COL5A2: variants seen among roughly 807,000 people sequenced by gnomAD.
COL5A2 encodes the protein collagen alpha-2(V) chain.
A neutral mutation model predicts 208.2 loss-of-function variants in COL5A2; 23 were observed. The observed-to-expected ratio is 0.11, with a 90% confidence interval of 0.08 to 0.16. The LOEUF (loss-of-function observed/expected upper bound fraction) is 0.16, where lower values mean the gene tolerates loss of function less well. Among genes scored for constraint, COL5A2 ranks in the 10% least tolerant of loss-of-function variants. The pLI, the probability that COL5A2 is intolerant of heterozygous loss-of-function variation, is 1.00. For synonymous variants in COL5A2, 625 were observed against 628.5 expected (o/e 0.99, Z 0.08); for missense variants, 1,590 against 1,956.4 (o/e 0.81, Z 3.53).
intron 1 of COL5A2, among the ~76,000 whole-genome samples, chr2:189,210,413 T>A (rs1394905709): frequency 2.1e-5 from 3 of 143,776 alleles, no homozygotes; most frequent in Non-Finnish European, 4.6e-5. Context: ...GATTAAAATA[T>A]TTTACATTTG....
At chr2:189,436,235 C>T in the COL5A2 span, among the ~76,000 whole-genome samples, 3 of 152,102 alleles carry the variant, frequency 2.0e-5, no homozygotes, top group Non-Finnish European at 4.4e-5. Context: ...GCAAGGATTT[C>T]ATGATTAAAA....
chr2:189,138,276 G>A (rs1450973860), intron 1 of COL5A2, among the ~76,000 whole-genome samples: 4 of 151,674 alleles, frequency 2.6e-5, no homozygotes, highest in African/African-American at 9.7e-5. Flanking sequence ...ACCCGGCCCG[G>A]TATATTTTTA....
the COL5A2 span, among the ~76,000 whole-genome samples, chr2:189,302,945 C>G: frequency 1.8e-4 from 28 of 152,276 alleles, no homozygotes; most frequent in Non-Finnish European, 3.4e-4. Context: ...CCATAAAGTG[C>G]TTCCTTTAAG....
At chr2:189,228,374 C>T (rs1257272547), upstream of COL5A2, among the ~76,000 whole-genome samples, 2 of 151,436 alleles carry the variant, frequency 1.3e-5, no homozygotes, top group African/African-American at 4.8e-5. Flanking sequence ...ATTAATTGGC[C>T]TTTTGAAAAA....
the COL5A2 span, among the ~76,000 whole-genome samples, chr2:189,421,174 C>T: frequency 6.6e-6 from 1 of 152,034 alleles, no homozygotes; most frequent in Non-Finnish European, 1.5e-5. Context: ...TAAAGATAAA[C>T]ACATGGCCCA....
chr2:189,428,613 G>A, the COL5A2 span, among the ~76,000 whole-genome samples: 78 of 151,760 alleles, frequency 5.1e-4, no homozygotes, highest in African/African-American at 1.6e-3. Flanking sequence ...GTGAGACTCC[G>A]TCTGAAAAAA....
At chr2:189,143,812 G>A (rs1032043523) in intron 1 of COL5A2, among the ~76,000 whole-genome samples, 1 of 152,024 alleles carries the variant, frequency 6.6e-6, no homozygotes, top group Non-Finnish European at 1.5e-5. Flanking sequence ...TTTGAAAAAG[G>A]AGTAAGATAT....
the COL5A2 span, among the ~76,000 whole-genome samples, chr2:189,417,904 T>A: frequency 6.6e-6 from 1 of 152,092 alleles, no homozygotes; most frequent in Non-Finnish European, 1.5e-5. Context: ...TGATTCCATA[T>A]GTCAGCTATT....
In COL5A2 at chr2:189,053,461, T is replaced by C; in HGVS notation, c.2516A>G (p.Asn839Ser). ...SRGNPGSRGE[N>S]GPTGAVGFAG... is the part of the protein sequence containing the mutation. ...AAAACCAACAGCTCCAGTTGGCCCA[T>C]TTTCACCTCGAGAACCCTAGGAGGA... The change falls in exon 38 of 54, where the codon AAT becomes AGT. Residue 839 changes from asparagine (N) to serine (S), a missense_variant. Physicochemically the swap from Asn to Ser is conservative, Grantham distance 46. Coordinates refer to ENST00000374866, the MANE Select transcript of COL5A2 (RefSeq NM_000393.5). 1 of 1,613,782 alleles carries C rather than the reference T, an allele frequency of 6.2e-7. No individual in the cohort carries two copies. The highest frequency in any genetic ancestry group is 8.5e-7 in the Non-Finnish European group (1 of 1,179,764).
intron 51 of COL5A2, among the ~76,000 whole-genome samples, chr2:189,038,213 T>A (rs1443758101): frequency 6.6e-6 from 1 of 152,114 alleles, no homozygotes; most frequent in Non-Finnish European, 1.5e-5. Flanking sequence ...TAGCCTGCAG[T>A]GTTTATGGTT....
intron 1 of COL5A2, among the ~76,000 whole-genome samples, chr2:189,116,272 C>T (rs767409225): frequency 6.6e-6 from 1 of 152,166 alleles, no homozygotes; most frequent in Non-Finnish European, 1.5e-5. Context: ...CAGATGCTGC[C>T]TTTAGTAATG....
the COL5A2 span, among the ~76,000 whole-genome samples, chr2:189,306,251 C>T: frequency 2.6e-5 from 4 of 152,174 alleles, no homozygotes; most frequent in Non-Finnish European, 4.4e-5. Flanking sequence ...TCCTTAATCA[C>T]CCACTGAGGG....
the COL5A2 span, among the ~76,000 whole-genome samples, chr2:189,383,661 C>T: frequency 6.6e-6 from 1 of 151,810 alleles, no homozygotes; most frequent in African/African-American, 2.4e-5. Flanking sequence ...TTATGGGGTA[C>T]ATGTGAGTTT....
intron 1 of COL5A2, among the ~76,000 whole-genome samples, chr2:189,204,262 G>C (rs1689116931): frequency 6.6e-6 from 1 of 152,186 alleles, no homozygotes; most frequent in South Asian, 2.1e-4. Flanking sequence ...CTATTTTATA[G>C]AGAAGTTTAG....
chr2:189,052,872 G>GCACTTGAC, intron 39 of COL5A2, 39 bp downstream of exon 39: 2 of 1,609,346 alleles, frequency 1.2e-6, no homozygotes, highest in Non-Finnish European at 1.7e-6. Flanking sequence ...CAAACATGGG[G>GCACTTGAC]CACTTGACTC....
the COL5A2 span, among the ~76,000 whole-genome samples, chr2:189,271,799 A>T: frequency 6.6e-6 from 1 of 152,220 alleles, no homozygotes; most frequent in Non-Finnish European, 1.5e-5. Context: ...CAAGGAACTT[A>T]AACAAATTTA....
At chr2:189,336,874 TA>T in the COL5A2 span, among the ~76,000 whole-genome samples, 2 of 152,252 alleles carry the variant, frequency 1.3e-5, no homozygotes, top group Middle Eastern at 3.4e-3. Flanking sequence ...TAAATAAACA[TA>T]AAAAAACGTA....
chr2:189,180,157 A>T (rs1364527585), upstream of COL5A2, among the ~76,000 whole-genome samples: 1 of 152,024 alleles, frequency 6.6e-6, no homozygotes, highest in Non-Finnish European at 1.5e-5. Context: ...TTACATTTAG[A>T]TAATTCAAGA....
chr2:189,046,815 G>GAA (rs112684457), intron 45 of COL5A2, among the ~76,000 whole-genome samples: 5 of 136,064 alleles, frequency 3.7e-5, no homozygotes, highest in African/African-American at 2.7e-5. Flanking sequence ...TCAAGGTTTT[G>GAA]AAAAAAAAAA....
Sources: gnomAD v4.1 joint callset for allele counts (sites outside exome capture counted in the v4.1 genomes callset) on GRCh38, gnomAD v4.1.1 for gene constraint, MANE v1.5 for transcripts, NCBI Gene and HGNC (gene_info 2026-07-23, HGNC 2026-07-21) for gene names.